The following PRTG variants were observed in gnomAD, a reference collection of about 807,000 sequenced individuals.
PRTG encodes the protein protogenin.
PRTG carries 67 observed loss-of-function variants against 122.5 expected under a neutral mutation model. The observed-to-expected ratio is 0.55, with a 90% CI of 0.45 to 0.67. PRTG has a LOEUF of 0.67. Ranked by LOEUF, PRTG falls within the 30% of genes least tolerant of loss-of-function variation. The probability of loss-of-function intolerance (pLI) is 0.00; values close to 1 mark genes in which losing one functional copy is unlikely to be tolerated. For missense variants in PRTG, 1,435 were observed against 1,415.4 expected, an observed-to-expected ratio of 1.01 and a Z score of -0.22; for synonymous variants, 554 against 501.1, an observed-to-expected ratio of 1.11 and a Z score of -1.41.
At chr15:55,644,679 G>C (rs2059310653) in intron 11 of PRTG, among the ~76,000 whole-genome samples, 1 of 151,970 alleles carries the variant, frequency 6.6e-6, no homozygotes, top group African/African-American at 2.4e-5. Context: ...CTCCTATGTG[G>C]AAATCATCAG....
chr15:55,679,579 T>G (rs1233181109), intron 6 of PRTG, 134 bp from the exon 7 acceptor site: 1 of 620,872 alleles, frequency 1.6e-6, no homozygotes. Flanking sequence ...TGTCTACATC[T>G]CCATACATCT....
At position 55,620,683 on chromosome 15, in the gene PRTG, T is replaced by C; in HGVS notation, c.3178A>G (p.Lys1060Glu). 1.9e-6 allele frequency: 3 copies of C among 1,597,706 alleles called. No homozygotes were observed. Among genetic ancestry groups the C allele is most frequent in the Non-Finnish European group, 2.6e-6 (3 of 1,176,314 alleles). Residue 1060 changes from lysine (K) to glutamate (E), a missense_variant, in exon 19 of 20, where the codon AAG (lysine) becomes GAG (glutamate). Coordinates refer to ENST00000389286, the MANE Select transcript of PRTG (RefSeq NM_173814.6). ...KKKWFFFQDS[K>E]KIQVEQPQRR... Reference sequence around the variant, plus strand: ...GTTACCTGCTCAACTTGTATCTTCTTTGAGTCTTGGAAAAAAAACCACTTT... The same window carrying C: ...GTTACCTGCTCAACTTGTATCTTCTCTGAGTCTTGGAAAAAAAACCACTTT...
chr15:55,741,640 G>T (rs2031612694), intron 1 of PRTG, among the ~76,000 whole-genome samples: 2 of 152,298 alleles, frequency 1.3e-5, no homozygotes, highest in South Asian at 2.1e-4. Flanking sequence ...GAGAATGGGG[G>T]TGTGTGGGGG....
chr15:55,661,668 C>T (rs2059410406), intron 11 of PRTG, among the ~76,000 whole-genome samples: 1 of 152,112 alleles, frequency 6.6e-6, no homozygotes, highest in Non-Finnish European at 1.5e-5. Context: ...TACTCTTCTC[C>T]ACATGAACTG....
intron 2 of PRTG, among the ~76,000 whole-genome samples, chr15:55,694,388 T>C (rs2059621112): frequency 6.6e-6 from 1 of 152,156 alleles, no homozygotes; most frequent in Non-Finnish European, 1.5e-5. Context: ...TTTATCTGCC[T>C]TTTTAGTTCT....
rs544820030 is a variant in PRTG, at chr15:55,722,591, G to A, written c.397+17791C>T. 5.4e-4 allele frequency among the ~76,000 whole-genome samples: 82 copies of A among 152,170 alleles called. 1 individual carries two copies. The South Asian group carries it at 0.011, about 20-fold the overall frequency. On this transcript the variant is annotated intron_variant, in intron 2 of 19. Coordinates refer to ENST00000389286, the MANE Select transcript of PRTG (RefSeq NM_173814.6). ...GAAGAAAGTCAGAAATAAACAGAGA[G>A]GTGAAGTTGAGAACTCAGTCGTCAA...
In PRTG at chr15:55,708,148, T is replaced by TAAAAAAAAAA. The variant is rs35216342; in HGVS notation, c.398-24227_398-24218dup. Among the ~76,000 whole-genome samples, 232 of 69,972 alleles carry TAAAAAAAAAA rather than the reference T, an allele frequency of 3.3e-3. 35 individuals carry two copies. The highest frequency in any genetic ancestry group is 4.4e-3 in the South Asian group (13 of 2,940). The allele number at this position is 69,972 out of a possible 152,430, so 45.9% of individuals were successfully genotyped here. On this transcript the variant is annotated intron_variant, in intron 2 of 19. Transcript: ENST00000389286. ...CCTGTGGAAAGGAGGAGTAAGCTGG[T>TAAAAAAAAAA]AAAAAAAAAAAAAAAAAAAAAAAAA...
rs528291074 is a variant in PRTG, at chr15:55,723,081, G to T, written c.397+17301C>A. 1.4e-3 allele frequency among the ~76,000 whole-genome samples: 210 copies of T among 152,250 alleles called. 5 individuals carry two copies. The highest frequency in any genetic ancestry group is 4.9e-3 in the African/African-American group (205 of 41,552). On this transcript the variant is annotated intron_variant, in intron 2 of 19. Transcript: ENST00000389286. ...GAGGATGCTACATTTTACTACCAATGTGGTGCAGCCAACAATTAACCCCAA... is the reference window on the plus strand; with the variant it reads ...GAGGATGCTACATTTTACTACCAATTTGGTGCAGCCAACAATTAACCCCAA...
At chr15:55,719,858 A>G (rs1171762417) in intron 2 of PRTG, among the ~76,000 whole-genome samples, 1 of 152,134 alleles carries the variant, frequency 6.6e-6, no homozygotes, top group East Asian at 1.9e-4. Context: ...CAGGAGTTCA[A>G]GACCAGCCTG....
In PRTG at chr15:55,637,270, T is replaced by C; in HGVS notation, c.2523A>G (p.Lys841=). ...CAACTGTTTCTGGGCCATCAGGGGG[T>C]TTCCAAGAAACCAGGGCAGTGTCAT... ...IEDDTALVSW[K]PPDGPETVVT... Residue 841 remains lysine (K), a synonymous_variant, in exon 15 of 20, where the codon AAA becomes AAG. Coordinates refer to ENST00000389286, the MANE Select transcript of PRTG (RefSeq NM_173814.6). 1 of 1,612,762 alleles carries C rather than the reference T, an allele frequency of 6.2e-7. No homozygotes were observed. Among genetic ancestry groups the C allele is most frequent in the Non-Finnish European group, 8.5e-7 (1 of 1,179,686 alleles).
chr15:55,621,886 T>C (rs73417345), intron 18 of PRTG, among the ~76,000 whole-genome samples: 9,012 of 152,262 alleles, frequency 0.059, 878 homozygotes, highest in African/African-American at 0.2. Flanking sequence ...AATTATTAAT[T>C]TGTATATTCA....
At chr15:55,716,357 T>C (rs138017781) in intron 2 of PRTG, among the ~76,000 whole-genome samples, 1,639 of 152,328 alleles carry the variant, frequency 0.011, 15 homozygotes, top group Middle Eastern at 0.034. Context: ...TTTTTCAGGA[T>C]AAACAATCCA....
rs751828901 is a variant in PRTG at position 55,620,135 on chromosome 15, A to T, written c.3330T>A (p.Asp1110Glu). The T allele has an allele frequency of 5.6e-6, 9 of 1,614,046 alleles. No individual in the cohort carries two copies. Among genetic ancestry groups the T allele is most frequent in the Non-Finnish European group, 7.6e-6 (9 of 1,180,030 alleles). The change falls in exon 20 of 20, where the codon GAT (aspartate) becomes GAA (glutamate). Residue 1110 changes from aspartate (D) to glutamate (E), a missense_variant. Transcript: ENST00000389286. ...SFSRPFGVAA[D>E]TEHSANSEGS... is the part of the protein sequence containing the mutation. ...CTTCACTATTTGCTGAATGTTCTGT[A>T]TCAGCTGCAACACCAAAGGGTCTTG...
intron 11 of PRTG, among the ~76,000 whole-genome samples, chr15:55,652,285 C>G (rs537237260): frequency 2.6e-5 from 4 of 152,022 alleles, no homozygotes; most frequent in Admixed American, 2.6e-4. Context: ...CCTGATATAA[C>G]GTCAGGATAT....
intron 11 of PRTG, among the ~76,000 whole-genome samples, chr15:55,648,040 C>T (rs1481476588): frequency 2.6e-5 from 4 of 152,140 alleles, no homozygotes; most frequent in Admixed American, 2.6e-4. Flanking sequence ...TCTACCTTTA[C>T]CCACATCTTC....
chr15:55,629,071 A>C, intron 15 of PRTG, 67 bp from the exon 16 acceptor site: 1 of 1,029,748 alleles, frequency 9.7e-7, no homozygotes, highest in Non-Finnish European at 1.4e-6. Flanking sequence ...TATTATACAA[A>C]CACGTTCCTT....
At position 55,615,582 on chromosome 15, in the gene PRTG, T is replaced by A. The variant is rs2059138560; in HGVS notation, c.*4430A>T. ...GTATATGGTAGTCTCCAGAACCTGC[T>A]ACTCAGTGCTCACAAACTGCAAAGA... is the stretch of plus-strand genomic sequence containing the variant. On this transcript the variant is annotated 3_prime_UTR_variant, in exon 20 of 20. Coordinates refer to ENST00000389286, the MANE Select transcript of PRTG (RefSeq NM_173814.6). The A allele has an allele frequency of 6.6e-6, 1 of 152,148 alleles. No individual in the cohort carries two copies. The highest frequency in any genetic ancestry group is 1.5e-5 in the Non-Finnish European group (1 of 67,996). The allele number at this position is 152,148 out of a possible 1,614,324, so 9.4% of individuals were successfully genotyped here.
At chr15:55,635,341 C>CA (rs1451313885) in intron 15 of PRTG, among the ~76,000 whole-genome samples, 1 of 152,138 alleles carries the variant, frequency 6.6e-6, no homozygotes, top group African/African-American at 2.4e-5. Flanking sequence ...CCGTCTGCCT[C>CA]AGCCTCCCAA....
At chr15:55,636,792 G>A (rs1269860946) in intron 15 of PRTG, among the ~76,000 whole-genome samples, 2 of 151,856 alleles carry the variant, frequency 1.3e-5, no homozygotes, top group Admixed American at 6.6e-5. Context: ...GATTACAGGC[G>A]CCTGCCATCA....
Sources: gnomAD v4.1 joint callset for allele counts (sites outside exome capture counted in the v4.1 genomes callset) on GRCh38, gnomAD v4.1.1 for gene constraint, MANE v1.5 for transcripts, NCBI Gene and HGNC (gene_info 2026-07-23, HGNC 2026-07-21) for gene names.